Variants in SASH1 observed in about 807,000 individuals in gnomAD.
The protein encoded by SASH1 is SAM and SH3 domain-containing protein 1.
A neutral mutation model predicts 125.2 loss-of-function variants in SASH1; 44 were observed. The ratio of observed to expected loss-of-function variants is 0.35; its 90% confidence interval spans 0.28 to 0.45. SASH1 has a LOEUF of 0.45. SASH1 is among the 20% of genes least tolerant of loss of function. The probability of loss-of-function intolerance (pLI) is 1.00; values close to 1 mark genes in which losing one functional copy is unlikely to be tolerated. For synonymous variants in SASH1, 639 were observed against 649.1 expected, an observed-to-expected ratio of 0.98 and a Z score of 0.24; for missense variants, 1,426 against 1,614.5, an observed-to-expected ratio of 0.88 and a Z score of 2.00.
rs549406747 is a variant in SASH1 at position 148,543,700 on chromosome 6, C to A, written c.2230C>A (p.Leu744Ile). The stretch of plus-strand genomic sequence containing the variant: ...CACAGGCAAGACTCGGAAAGCTAGC[C>A]TCCTATCTGCCAAGTCATCCACCGA... ...LENGKTRKAS[L>I]LSAKSSTEPS... is the part of the protein sequence containing the mutation. Residue 744 changes from leucine (L) to isoleucine (I), a missense_variant, in exon 18 of 20, where the codon CTC (leucine) becomes ATC (isoleucine). Coordinates refer to ENST00000367467, the MANE Select transcript of SASH1 (RefSeq NM_015278.5). 1 of 1,543,622 alleles carries A rather than the reference C, an allele frequency of 6.5e-7. No homozygotes were observed. Among genetic ancestry groups the A allele is most frequent in the African/African-American group, 1.4e-5 (1 of 72,482 alleles).
chr6:148,318,211 T>A (rs529051927), intron 1 of SASH1, among the ~76,000 whole-genome samples: 2 of 152,360 alleles, frequency 1.3e-5, no homozygotes, highest in East Asian at 3.9e-4. Flanking sequence ...CATGAATGCT[T>A]GAGTCTGGAA....
At chr6:148,253,809 A>T in the SASH1 span, among the ~76,000 whole-genome samples, 1 of 151,826 alleles carries the variant, frequency 6.6e-6, no homozygotes, top group Non-Finnish European at 1.5e-5. Context: ...AAGGCAGAGG[A>T]TGCAGGGAAC....
At chr6:148,390,352 C>A in intron 2 of SASH1, 90 bp downstream of exon 2, 1 of 1,316,392 alleles carries the variant, frequency 7.6e-7, no homozygotes, top group Non-Finnish European at 1.0e-6. Flanking sequence ...CTAGCTCTTC[C>A]TGGGGTATCA....
intron 1 of SASH1, among the ~76,000 whole-genome samples, chr6:148,368,742 C>T (rs1450185231): frequency 2.9e-5 from 2 of 69,560 alleles, no homozygotes; most frequent in Non-Finnish European, 6.9e-5. Context: ...ATCCTTCCAA[C>T]CTCCCCCACA....
intron 2 of SASH1, among the ~76,000 whole-genome samples, chr6:148,419,427 G>A (rs535932409): frequency 3.9e-5 from 6 of 152,210 alleles, no homozygotes; most frequent in East Asian, 1.9e-4. Context: ...GGTTGATGCC[G>A]TATCCCTATA....
In SASH1 at chr6:148,551,125, T is replaced by C. The variant is rs1179905050; in HGVS notation, c.*2567T>C. On this transcript the variant is annotated 3_prime_UTR_variant, in exon 20 of 20. Coordinates refer to ENST00000367467, the MANE Select transcript of SASH1 (RefSeq NM_015278.5). ...TTTACTTTATTGTGTTGTTTAAATA[T>C]TTTAAAAATATCTTTAGCGTTTGGT... 11 of 152,592 alleles carry C rather than the reference T, an allele frequency of 7.2e-5. No individual in the cohort carries two copies. The highest frequency in any genetic ancestry group is 1.2e-4 in the Non-Finnish European group (8 of 68,050). The allele number at this position is 152,592 out of a possible 1,614,324, so 9.5% of individuals were successfully genotyped here. A position where few individuals can be genotyped will look rare whatever the true frequency, so the allele number is the denominator to read the frequency against.
the SASH1 span, among the ~76,000 whole-genome samples, chr6:148,264,085 C>T: frequency 2.0e-3 from 300 of 148,402 alleles, 1 homozygote; most frequent in African/African-American, 7.0e-3. Context: ...CTGGATGTAA[C>T]TTTCAACACC....
chr6:148,256,461 C>A, the SASH1 span, among the ~76,000 whole-genome samples: 1 of 152,072 alleles, frequency 6.6e-6, no homozygotes, highest in Non-Finnish European at 1.5e-5. Flanking sequence ...ATAGTATATT[C>A]TTAAATATCC....
At chr6:148,330,710 C>G (rs1780969153) in intron 1 of SASH1, among the ~76,000 whole-genome samples, 1 of 152,152 alleles carries the variant, frequency 6.6e-6, no homozygotes, top group Non-Finnish European at 1.5e-5. Context: ...CTCACCCTCC[C>G]AAGTAGCTAG....
chr6:148,384,191 G>A (rs1482004746), intron 1 of SASH1, among the ~76,000 whole-genome samples: 1 of 152,204 alleles, frequency 6.6e-6, no homozygotes. Context: ...AAAAGATCGC[G>A]TGACTCAAAA....
chr6:148,511,157 G>T (rs1386919964), intron 8 of SASH1, among the ~76,000 whole-genome samples: 1 of 152,132 alleles, frequency 6.6e-6, no homozygotes, highest in East Asian at 1.9e-4. Context: ...AACAGCTGGA[G>T]AGAATTTTTT....
intron 9 of SASH1, among the ~76,000 whole-genome samples, chr6:148,515,995 A>G (rs946913514): frequency 5.3e-5 from 8 of 152,366 alleles, no homozygotes; most frequent in Admixed American, 2.0e-4. Context: ...CCTTTCCACT[A>G]GAATAACATG....
chr6:148,319,397 C>T (rs780455766), intron 1 of SASH1, among the ~76,000 whole-genome samples: 11 of 152,016 alleles, frequency 7.2e-5, no homozygotes, highest in South Asian at 2.1e-4. Flanking sequence ...TGTGAATCAC[C>T]GTAGTCCTCC....
At chr6:148,291,376 A>C (rs762017161) in intron 1 of SASH1, among the ~76,000 whole-genome samples, 12 of 152,182 alleles carry the variant, frequency 7.9e-5, no homozygotes, top group Non-Finnish European at 1.6e-4. Flanking sequence ...TTTTAAAAGA[A>C]TAGCTTTTAA....
chr6:148,408,851 G>A (rs1247409403), intron 2 of SASH1, among the ~76,000 whole-genome samples: 4 of 152,196 alleles, frequency 2.6e-5, no homozygotes, highest in Non-Finnish European at 5.9e-5. Context: ...TGCATATGGT[G>A]TAAGGTGTCC....
intron 8 of SASH1, among the ~76,000 whole-genome samples, chr6:148,492,986 CTTAG>C (rs1473450749): frequency 2.0e-5 from 3 of 152,216 alleles, no homozygotes; most frequent in African/African-American, 7.2e-5. Context: ...TTCAGCCTGT[CTTAG>C]TTAGACCTAG....
intron 4 of SASH1, among the ~76,000 whole-genome samples, chr6:148,458,482 C>T (rs909238806): frequency 6.6e-6 from 1 of 152,270 alleles, no homozygotes; most frequent in East Asian, 1.9e-4. Flanking sequence ...ACTAGCTTGA[C>T]TATTTTTATG....
chr6:148,482,671 G>A (rs116235207), intron 7 of SASH1, among the ~76,000 whole-genome samples: 4,908 of 141,470 alleles, frequency 0.035, 332 homozygotes, highest in African/African-American at 0.12. Flanking sequence ...CTAGGCATGT[G>A]CCACCACACC....
rs970312502 is a variant in SASH1, at chr6:148,532,071, CTTTAT to C, written c.1564+419_1564+423del. On this transcript the variant is annotated intron_variant, in intron 13 of 19. Transcript: ENST00000367467. The surrounding 1 kb of genome is among the most constrained non-coding windows in gnomAD (Gnocchi z 4.7). ...TGAATGGTATGAAGGAAAAGATCAA[CTTTAT>C]TTTATTTTTATTTTTATTTTTGAGA... Among the ~76,000 whole-genome samples the C allele has an allele frequency of 5.3e-5, 8 of 152,038 alleles. No homozygotes were observed. The highest frequency in any genetic ancestry group is 9.7e-5 in the African/African-American group (4 of 41,402).
Sources: allele counts gnomAD v4.1 joint callset (sites outside exome capture counted in the v4.1 genomes callset), GRCh38; gene constraint gnomAD v4.1.1; non-coding constraint Gnocchi (gnomAD v3.1); transcripts MANE v1.5; gene names NCBI Gene and HGNC (gene_info 2026-07-23, HGNC 2026-07-21).